RASA3: variants seen among roughly 807,000 people sequenced by gnomAD.
RASA3 encodes the protein ras GTPase-activating protein 3.
In RASA3, 73 loss-of-function variants were observed where a neutral mutation model predicts 110.0. The observed-to-expected ratio is 0.66, with a 90% confidence interval of 0.55 to 0.81. The LOEUF is 0.81. Ranked by LOEUF, RASA3 falls within the 30% of genes least tolerant of loss-of-function variation. The probability of loss-of-function intolerance (pLI) is 0.00; values close to 1 mark genes in which losing one functional copy is unlikely to be tolerated. For synonymous variants in RASA3, 500 were observed against 451.4 expected (o/e 1.11, Z -1.37); for missense variants, 976 against 1,113.2 (o/e 0.88, Z 1.75).
chr13:114,102,669 C>T (rs1174272459), intron 1 of RASA3, among the ~76,000 whole-genome samples: 2 of 152,178 alleles, frequency 1.3e-5, no homozygotes, highest in Non-Finnish European at 2.9e-5. Context: ...GGGACTGCAG[C>T]CCACCAGGTG....
chr13:114,030,596 G>A (rs560461563), intron 4 of RASA3, among the ~76,000 whole-genome samples: 1 of 152,342 alleles, frequency 6.6e-6, no homozygotes, highest in African/African-American at 2.4e-5. Context: ...AGACAGCAAG[G>A]CTGCCCTGCG....
At chr13:114,007,727 T>G (rs1262580705) in intron 17 of RASA3, 121 bp from the exon 18 acceptor site, 1 of 815,370 alleles carries the variant, frequency 1.2e-6, no homozygotes, top group African/African-American at 1.7e-5. Flanking sequence ...AGACAGAATC[T>G]GGGCAAGTGA....
At chr13:114,058,329 C>T (rs1467518975) in intron 2 of RASA3, among the ~76,000 whole-genome samples, 1 of 152,140 alleles carries the variant, frequency 6.6e-6, no homozygotes, top group East Asian at 1.9e-4. Context: ...AGAGCGGATT[C>T]CTCGGGCGTG....
At chr13:114,043,041 T>C (rs896146712) in intron 3 of RASA3, among the ~76,000 whole-genome samples, 1 of 152,204 alleles carries the variant, frequency 6.6e-6, no homozygotes, top group African/African-American at 2.4e-5. Flanking sequence ...CGCGGGCTCA[T>C]GCGAGCGAGA....
intron 1 of RASA3, among the ~76,000 whole-genome samples, chr13:114,118,176 A>G (rs2080321770): frequency 1.3e-5 from 2 of 152,050 alleles, no homozygotes; most frequent in South Asian, 4.1e-4. Flanking sequence ...TTACTCTATA[A>G]TAACTTGGAA....
Position 113,992,513 on chromosome 13 carries a change from C to G in RASA3, c.2217G>C (p.Leu739Phe). Residue 739 changes from leucine to phenylalanine, a missense_variant, in exon 22 of 24, where the codon TTG becomes TTC. Transcript: ENST00000334062. ...GCATCTTCTCCAGCTTGCTCATGTACAAGTTGAAGAGGGAGTAGATACGCT... is the reference window on the plus strand; with the variant it reads ...GCATCTTCTCCAGCTTGCTCATGTAGAAGTTGAAGAGGGAGTAGATACGCT... The part of the protein sequence containing the change: ...ETERIYSLFN[L>F]YMSKLEKMQE... 6.2e-7 allele frequency: 1 copy of G among 1,613,514 alleles called. No homozygotes were observed. Among genetic ancestry groups the G allele is most frequent in the Non-Finnish European group, 8.5e-7 (1 of 1,179,902 alleles).
At chr13:114,077,592 T>TC (rs2079710388) in intron 1 of RASA3, among the ~76,000 whole-genome samples, 1 of 121,216 alleles carries the variant, frequency 8.2e-6, no homozygotes, top group Non-Finnish European at 1.7e-5. Flanking sequence ...ACCGGATTCA[T>TC]CCTTCCTCCC....
At chr13:114,055,156 A>G (rs1038120837) in intron 2 of RASA3, among the ~76,000 whole-genome samples, 1 of 152,032 alleles carries the variant, frequency 6.6e-6, no homozygotes, top group African/African-American at 2.4e-5. Flanking sequence ...GTGTGCCCAC[A>G]GGCACGTGTG....
chr13:114,001,236 G>A (rs1478221395), intron 18 of RASA3, among the ~76,000 whole-genome samples: 1 of 152,214 alleles, frequency 6.6e-6, no homozygotes, highest in Non-Finnish European at 1.5e-5. Flanking sequence ...ATGCCAATGC[G>A]ATGCTCCCAC....
At chr13:114,010,499 G>C (rs904858059) in intron 16 of RASA3, among the ~76,000 whole-genome samples, 1 of 151,484 alleles carries the variant, frequency 6.6e-6, no homozygotes, top group Non-Finnish European at 1.5e-5. Context: ...AGGGACTCCT[G>C]ACCTGGTGGC....
At chr13:114,003,474 A>G (rs188600644) in intron 18 of RASA3, among the ~76,000 whole-genome samples, 104 of 152,384 alleles carry the variant, frequency 6.8e-4, no homozygotes, top group African/African-American at 2.4e-3. Flanking sequence ...TATGAAATGT[A>G]GAAAGTAAAA....
intron 1 of RASA3, among the ~76,000 whole-genome samples, chr13:114,100,633 G>A (rs1471611437): frequency 6.6e-6 from 1 of 152,210 alleles, no homozygotes; most frequent in Non-Finnish European, 1.5e-5. Flanking sequence ...GGCTTCCATG[G>A]AAAATGCCAG....
rs369044393 is a variant in RASA3 at position 113,996,516 on chromosome 13, G to A, written c.2141+15C>T. On this transcript the variant is annotated intron_variant, in intron 21 of 23. Transcript: ENST00000334062. ...CTGCACAGTGCACGAGCTGGGCACCGAGGCACAGACCTACCCAGTGCAGGG... is the reference window on the plus strand; with the variant it reads ...CTGCACAGTGCACGAGCTGGGCACCAAGGCACAGACCTACCCAGTGCAGGG... 3.0e-5 allele frequency: 49 copies of A among 1,608,702 alleles called. No homozygotes were observed. The highest frequency in any genetic ancestry group is 1.3e-4 in the African/African-American group (10 of 74,826).
intron 2 of RASA3, among the ~76,000 whole-genome samples, chr13:114,053,268 C>T (rs558894529): frequency 3.3e-5 from 5 of 152,076 alleles, no homozygotes; most frequent in South Asian, 2.1e-4. Flanking sequence ...ATGCAGCCGC[C>T]CCACAGAGGA....
intron 4 of RASA3, among the ~76,000 whole-genome samples, chr13:114,030,424 A>ACAGGAGGCAAGACTCACG (rs2054130949): frequency 1.5e-5 from 1 of 67,602 alleles, no homozygotes; most frequent in African/African-American, 4.5e-5. Context: ...CAAGACTCAC[A>ACAGGAGGCAAGACTCACG]CAGAGGGCAA....
At chr13:114,038,159 C>CGCACTCT (rs1317425919) in intron 4 of RASA3, among the ~76,000 whole-genome samples, 20 of 152,274 alleles carry the variant, frequency 1.3e-4, no homozygotes, top group African/African-American at 4.8e-4. Flanking sequence ...ACGACGAGGC[C>CGCACTCT]GCACTCTGCC....
chr13:114,021,855 C>T (rs2053934027), intron 8 of RASA3, among the ~76,000 whole-genome samples: 2 of 151,534 alleles, frequency 1.3e-5, no homozygotes, highest in Non-Finnish European at 2.9e-5. Flanking sequence ...GCCTGGGCGT[C>T]GCTGCGTGCA....
At chr13:113,989,030 G>GTCCACCCATCACTCACCCATCTGTCCA (rs2053036602) in intron 22 of RASA3, among the ~76,000 whole-genome samples, 1 of 95,160 alleles carries the variant, frequency 1.1e-5, no homozygotes, top group Non-Finnish European at 2.1e-5. Flanking sequence ...CCATCTGTCA[G>GTCCACCCATCACTCACCCATCTGTCCA]TCCACCCATC....
chr13:114,043,517 G>A (rs1261186347), intron 3 of RASA3, among the ~76,000 whole-genome samples: 1 of 152,174 alleles, frequency 6.6e-6, no homozygotes, highest in South Asian at 2.1e-4. Context: ...CGTAGATACA[G>A]CACACAGGCA....
Sources: allele counts gnomAD v4.1 joint callset (sites outside exome capture counted in the v4.1 genomes callset), GRCh38; gene constraint gnomAD v4.1.1; transcripts MANE v1.5; gene names NCBI Gene and HGNC (gene_info 2026-07-23, HGNC 2026-07-21).